Variants in NBDY observed in about 807,000 individuals in gnomAD.
The protein encoded by NBDY is negative regulator of P-body association.
chrX:56,743,367 A>G (rs1227271250), intron 2 of NBDY, among the ~76,000 whole-genome samples: 3 of 110,883 alleles, frequency 2.7e-5, no homozygotes, highest in Non-Finnish European at 5.7e-5. Context: ...GGTAGGATTG[A>G]TATTAGTTCT....
rs1467522905 is a variant in NBDY, at chrX:56,737,279, C to T, written c.*166+5080C>T. The T allele has an allele frequency of 2.5e-5, 26 of 1,055,401 alleles. 1 individual carries two copies. The South Asian group carries it at 2.6e-4, about 11-fold the overall frequency. The allele number at this position is 1,055,401 out of a possible 1,213,427, so 87.0% of individuals were successfully genotyped here. A position where few individuals can be genotyped will look rare whatever the true frequency, so the allele number is the denominator to read the frequency against. The stretch of plus-strand genomic sequence containing the variant: ...CCATTCTTCTCTTTCTTTTCTTTCC[C>T]GAATAACCTCTTGCACATACAGTTC... On this transcript the variant is annotated intron_variant, in intron 2 of 2. Transcript: ENST00000374922.
At chrX:56,768,059 C>A (rs2069677053) in intron 2 of NBDY, among the ~76,000 whole-genome samples, 1 of 12,483 alleles carries the variant, frequency 8.0e-5, no homozygotes, top group South Asian at 2.7e-3. Context: ...CATGGGTCGC[C>A]CCACACTCAG....
chrX:56,797,117 TTC>T (rs758663775), intron 2 of NBDY, among the ~76,000 whole-genome samples: 10 of 108,925 alleles, frequency 9.2e-5, no homozygotes, highest in Non-Finnish European at 1.7e-4. Flanking sequence ...TTCCCTCTTC[TTC>T]TTTCTTCTTC....
intron 2 of NBDY, among the ~76,000 whole-genome samples, chrX:56,739,917 A>G (rs775878407): frequency 2.1e-4 from 23 of 111,842 alleles, no homozygotes; most frequent in South Asian, 7.4e-4. Flanking sequence ...GTAATTTTCA[A>G]ACTCCATCAT....
At chrX:56,766,694 G>C (rs181042865) in intron 2 of NBDY, among the ~76,000 whole-genome samples, 1 of 111,947 alleles carries the variant, frequency 8.9e-6, no homozygotes, top group East Asian at 2.8e-4. Flanking sequence ...GCCTTCTCCT[G>C]AGAATGAATT....
At chrX:56,737,024 GTAGT>G (rs2069498270) in intron 2 of NBDY, among the ~76,000 whole-genome samples, 1 of 111,761 alleles carries the variant, frequency 8.9e-6, no homozygotes, top group Non-Finnish European at 1.9e-5. Flanking sequence ...GCTCCAGGAA[GTAGT>G]TAAACACTAC....
At chrX:56,748,900 A>C (rs2069569834) in intron 2 of NBDY, among the ~76,000 whole-genome samples, 1 of 104,059 alleles carries the variant, frequency 9.6e-6, no homozygotes, top group Non-Finnish European at 2.0e-5. Flanking sequence ...TTTATAATTA[A>C]ATGATAACTG....
At chrX:56,767,975 G>T (rs1391063789) in intron 2 of NBDY, among the ~76,000 whole-genome samples, 1 of 44,550 alleles carries the variant, frequency 2.2e-5, no homozygotes, top group African/African-American at 9.5e-5. Flanking sequence ...CCCTGGCTCC[G>T]CAGCTGTATG....
intron 2 of NBDY, among the ~76,000 whole-genome samples, chrX:56,782,751 T>A (rs1417155400): frequency 9.0e-6 from 1 of 111,489 alleles, no homozygotes; most frequent in African/African-American, 3.3e-5. Context: ...AACACATTGA[T>A]CCGGATTTCA....
chrX:56,739,273 T>C (rs2069518486), intron 2 of NBDY, among the ~76,000 whole-genome samples: 2 of 77,145 alleles, frequency 2.6e-5, no homozygotes, highest in East Asian at 3.7e-4. Flanking sequence ...TGTATGTATA[T>C]ATATATATTT....
At chrX:56,813,923 C>T (rs1348322175) in intron 2 of NBDY, among the ~76,000 whole-genome samples, 4 of 111,649 alleles carry the variant, frequency 3.6e-5, no homozygotes. Context: ...TTTGCCACTC[C>T]CGTTCATTGT....
chrX:56,757,233 G>C (rs2069615806), intron 2 of NBDY, among the ~76,000 whole-genome samples: 2 of 111,859 alleles, frequency 1.8e-5, no homozygotes, highest in Non-Finnish European at 3.8e-5. Context: ...CCTTATATTA[G>C]ATTTTTCTGA....
intron 2 of NBDY, among the ~76,000 whole-genome samples, chrX:56,791,461 G>T (rs1010286548): frequency 1.8e-5 from 2 of 111,426 alleles, no homozygotes; most frequent in Non-Finnish European, 3.8e-5. Context: ...TTGTAGACTT[G>T]GGGCAGGGTA....
chrX:56,745,780 C>T (rs979587725), intron 2 of NBDY, among the ~76,000 whole-genome samples: 1 of 109,037 alleles, frequency 9.2e-6, no homozygotes, highest in Non-Finnish European at 1.9e-5. Context: ...TTTGATGAGT[C>T]CAGGTAGTTT....
At chrX:56,796,372 T>C (rs148822838) in intron 2 of NBDY, among the ~76,000 whole-genome samples, 71 of 112,607 alleles carry the variant, frequency 6.3e-4, no homozygotes, top group Non-Finnish European at 1.2e-3. Flanking sequence ...CTCTGATTCT[T>C]TGTGTAGTTT....
In NBDY at chrX:56,784,512, G is replaced by C. The variant is rs146219583; in HGVS notation, c.*167-32808G>C. On this transcript the variant is annotated intron_variant, in intron 2 of 2. Transcript: ENST00000374922. ...ACTGAGCATGCGTGCTCACTGGAAC[G>C]TGGTGGTTCACCAGTTATTTGCCCC... is the stretch of plus-strand genomic sequence containing the variant. 6.2e-5 allele frequency among the ~76,000 whole-genome samples: 7 copies of C among 112,133 alleles called. No homozygotes were observed. In the South Asian group the frequency reaches 2.6e-3, roughly 42 times the overall value.
intron 2 of NBDY, among the ~76,000 whole-genome samples, chrX:56,812,107 T>G (rs2069889988): frequency 9.0e-6 from 1 of 111,043 alleles, no homozygotes; most frequent in East Asian, 2.8e-4. Flanking sequence ...CCCAGTGAGA[T>G]GAACCTGGTA....
intron 2 of NBDY, among the ~76,000 whole-genome samples, chrX:56,806,702 T>C (rs1387015679): frequency 8.9e-6 from 1 of 112,228 alleles, no homozygotes; most frequent in East Asian, 2.8e-4. Flanking sequence ...TCTTTGTAGA[T>C]TCTGGATATT....
At chrX:56,736,500 A>T (rs1193204598) in intron 2 of NBDY, among the ~76,000 whole-genome samples, 1 of 111,976 alleles carries the variant, frequency 8.9e-6, no homozygotes, top group Non-Finnish European at 1.9e-5. Context: ...TCCTGACCTC[A>T]GGAGATCTGC....
Sources: gnomAD v4.1 joint callset for allele counts (sites outside exome capture counted in the v4.1 genomes callset) on GRCh38, gnomAD v4.1.1 for gene constraint, MANE v1.5 for transcripts, NCBI Gene and HGNC (gene_info 2026-07-23, HGNC 2026-07-21) for gene names.